The following AKAP19 variants were observed in gnomAD, a reference collection of about 807,000 sequenced individuals.
AKAP19 encodes small A-kinase anchoring protein.
the AKAP19 span, among the ~76,000 whole-genome samples, chr2:190,020,308 T>C: frequency 3.9e-5 from 6 of 152,202 alleles, no homozygotes; most frequent in African/African-American, 1.4e-4. Flanking sequence ...TAAGTGATAA[T>C]GTGTATCAAA....
At chr2:189,969,684 G>A in the AKAP19 span, among the ~76,000 whole-genome samples, 2 of 132,326 alleles carry the variant, frequency 1.5e-5, no homozygotes, top group South Asian at 2.3e-4. Flanking sequence ...AGCCAAGATC[G>A]CACCACTGCA....
chr2:190,025,879 T>G, the AKAP19 span, among the ~76,000 whole-genome samples: 1 of 152,160 alleles, frequency 6.6e-6, no homozygotes, highest in Non-Finnish European at 1.5e-5. Flanking sequence ...GCCTTTTAAA[T>G]CTCTTTCACT....
the AKAP19 span, among the ~76,000 whole-genome samples, chr2:190,199,005 G>A: frequency 6.6e-6 from 1 of 152,174 alleles, no homozygotes; most frequent in Admixed American, 6.5e-5. Context: ...GTCAATAGGT[G>A]GCTTTGCTAT....
At chr2:190,094,082 G>A in the AKAP19 span, among the ~76,000 whole-genome samples, 8 of 152,232 alleles carry the variant, frequency 5.3e-5, no homozygotes, top group African/African-American at 1.9e-4. Flanking sequence ...CAGCGACAGA[G>A]TAAGCTCCTA....
chr2:190,086,145 T>G, the AKAP19 span, among the ~76,000 whole-genome samples: 6 of 152,194 alleles, frequency 3.9e-5, no homozygotes, highest in African/African-American at 1.4e-4. Context: ...ATAAGCACAT[T>G]GCGGATGTTA....
At chr2:189,945,430 A>G in the AKAP19 span, among the ~76,000 whole-genome samples, 17 of 152,342 alleles carry the variant, frequency 1.1e-4, no homozygotes, top group East Asian at 3.3e-3. Flanking sequence ...CCTTCAGATG[A>G]CTTTAGACCC....
chr2:190,037,424 C>G, the AKAP19 span, among the ~76,000 whole-genome samples: 1 of 152,144 alleles, frequency 6.6e-6, no homozygotes, highest in Admixed American at 6.5e-5. Flanking sequence ...CTATGCAGAG[C>G]TTAGAAGGAG....
the AKAP19 span, among the ~76,000 whole-genome samples, chr2:189,886,024 G>A: frequency 6.6e-6 from 1 of 152,046 alleles, no homozygotes; most frequent in Admixed American, 6.6e-5. Flanking sequence ...GGCCAGGCTG[G>A]TCTTGAACTC....
chr2:189,963,797 T>C, the AKAP19 span, among the ~76,000 whole-genome samples: 2 of 151,606 alleles, frequency 1.3e-5, no homozygotes, highest in African/African-American at 4.8e-5. Context: ...AGGGTCTTGC[T>C]CTGTCACCCA....
At chr2:190,001,634 A>G in the AKAP19 span, among the ~76,000 whole-genome samples, 4 of 152,302 alleles carry the variant, frequency 2.6e-5, no homozygotes, top group East Asian at 5.8e-4. Context: ...ATAATCTACC[A>G]TCAATTGGCA....
the AKAP19 span, chr2:190,164,110 T>G: frequency 6.6e-6 from 1 of 152,238 alleles, no homozygotes; most frequent in African/African-American, 2.4e-5. Flanking sequence ...ATCGGTTAAT[T>G]GGTGATTTAT....
chr2:189,946,240 C>A, the AKAP19 span, among the ~76,000 whole-genome samples: 1 of 152,140 alleles, frequency 6.6e-6, no homozygotes, highest in Non-Finnish European at 1.5e-5. Flanking sequence ...CGTAAAATAG[C>A]ATAAATACAG....
chr2:189,939,844 C>G, the AKAP19 span, among the ~76,000 whole-genome samples: 1 of 152,128 alleles, frequency 6.6e-6, no homozygotes, highest in African/African-American at 2.4e-5. Flanking sequence ...TGTAAACAGG[C>G]TATTTGAAAA....
chr2:190,073,840 C>T, the AKAP19 span, among the ~76,000 whole-genome samples: 2 of 151,798 alleles, frequency 1.3e-5, no homozygotes, highest in Admixed American at 6.6e-5. Flanking sequence ...CACCTGAGGT[C>T]AGGAGTTTGA....
At chr2:190,117,847 C>T in the AKAP19 span, among the ~76,000 whole-genome samples, 3 of 152,324 alleles carry the variant, frequency 2.0e-5, no homozygotes, top group South Asian at 4.1e-4. Context: ...GAATGTGCTA[C>T]ACTCACTGTC....
the AKAP19 span, among the ~76,000 whole-genome samples, chr2:189,887,402 A>G: frequency 6.6e-6 from 1 of 152,274 alleles, no homozygotes; most frequent in East Asian, 1.9e-4. Flanking sequence ...GTTGGTTCCA[A>G]GTCTTTGCTA....
the AKAP19 span, among the ~76,000 whole-genome samples, chr2:190,149,639 C>T: frequency 1.3e-5 from 2 of 152,036 alleles, no homozygotes; most frequent in African/African-American, 4.8e-5. Context: ...CTGAAGGTTC[C>T]TTTTGGAGTT....
the AKAP19 span, among the ~76,000 whole-genome samples, chr2:190,196,590 A>T: frequency 7.0e-6 from 1 of 142,880 alleles, no homozygotes; most frequent in East Asian, 2.1e-4. Context: ...GTAATTTTTT[A>T]ATTGAATGGT....
chr2:189,973,967 G>C, the AKAP19 span, among the ~76,000 whole-genome samples: 3 of 151,918 alleles, frequency 2.0e-5, no homozygotes, highest in African/African-American at 7.3e-5. Flanking sequence ...GTTTTTTTGT[G>C]TCTCTATTTC....
Sources: allele counts gnomAD v4.1 joint callset (sites outside exome capture counted in the v4.1 genomes callset), GRCh38; gene constraint gnomAD v4.1.1; transcripts MANE v1.5; gene names NCBI Gene and HGNC (gene_info 2026-07-23, HGNC 2026-07-21).